Variants in ST3GAL2 observed in about 807,000 individuals in gnomAD.
ST3GAL2 encodes the protein ST3 beta-galactoside alpha-2,3-sialyltransferase 2.
Under a neutral mutation model 37.5 loss-of-function variants are expected in ST3GAL2, and 16 were observed. The observed-to-expected ratio is 0.43, with a 90% confidence interval of 0.29 to 0.65. The LOEUF (loss-of-function observed/expected upper bound fraction) is 0.65. Among genes scored for constraint, ST3GAL2 ranks in the 30% least tolerant of loss-of-function variants. The pLI is 0.17. For synonymous variants in ST3GAL2, 238 were observed against 202.9 expected, an observed-to-expected ratio of 1.17 and a Z score of -1.47; for missense variants, 383 against 487.8, an observed-to-expected ratio of 0.79 and a Z score of 2.02.
intron 1 of ST3GAL2, among the ~76,000 whole-genome samples, chr16:70,432,945 T>C (rs577329106): frequency 2.6e-5 from 4 of 152,004 alleles, no homozygotes; most frequent in Admixed American, 6.5e-5. Flanking sequence ...GTCCACCACA[T>C]AGAGAGCCTC....
At chr16:70,423,919 G>A (rs1400225811) in intron 1 of ST3GAL2, among the ~76,000 whole-genome samples, 7 of 151,822 alleles carry the variant, frequency 4.6e-5, no homozygotes, top group South Asian at 4.2e-4. Context: ...TTAGCCGGGC[G>A]TGGTGGCAAG....
chr16:70,437,705 C>T (rs567778614), intron 1 of ST3GAL2, among the ~76,000 whole-genome samples: 1 of 152,098 alleles, frequency 6.6e-6, no homozygotes, highest in African/African-American at 2.4e-5. Flanking sequence ...AAGGGCAACC[C>T]CTCCAAAGTT....
intron 1 of ST3GAL2, among the ~76,000 whole-genome samples, chr16:70,437,150 A>G (rs1246701287): frequency 6.6e-6 from 1 of 152,244 alleles, no homozygotes; most frequent in East Asian, 1.9e-4. Context: ...AGGAGCCATC[A>G]GCGTGCCACA....
At chr16:70,410,900 ACAG>A (rs2047634104) in intron 1 of ST3GAL2, among the ~76,000 whole-genome samples, 1 of 150,544 alleles carries the variant, frequency 6.6e-6, no homozygotes, top group Non-Finnish European at 1.5e-5. Flanking sequence ...TCGCTTGCCA[ACAG>A]AATCCTGATT....
chr16:70,394,508 G>A (rs1952860240), intron 3 of ST3GAL2, among the ~76,000 whole-genome samples: 2 of 152,146 alleles, frequency 1.3e-5, no homozygotes, highest in Admixed American at 1.3e-4. Context: ...CACCCCAGTA[G>A]CTGGAAATAC....
chr16:70,385,416 T>C (rs1239911057), intron 4 of ST3GAL2, among the ~76,000 whole-genome samples: 1 of 152,156 alleles, frequency 6.6e-6, no homozygotes, highest in Non-Finnish European at 1.5e-5. Flanking sequence ...GGTGTACAGT[T>C]TCCATTTGGG....
chr16:70,395,194 G>A lies in ST3GAL2; in HGVS notation c.340-19C>T. ...GCAGCATCTGTGGAAGGGAGGGGAA[G>A]ATGGGAAACGAGGAAGGGGAGAGGT... On this transcript the variant is annotated intron_variant, in intron 2 of 6. Transcript: ENST00000342907. The A allele has an allele frequency of 6.3e-7, 1 of 1,587,262 alleles. No individual in the cohort carries two copies. Among genetic ancestry groups the A allele is most frequent in the East Asian group, 2.3e-5 (1 of 43,670 alleles).
chr16:70,417,260 C>A (rs557326220), intron 1 of ST3GAL2, among the ~76,000 whole-genome samples: 75 of 150,886 alleles, frequency 5.0e-4, no homozygotes, highest in African/African-American at 1.5e-3. Context: ...AAACCCCTCC[C>A]ACACAGCACT....
intron 3 of ST3GAL2, 47 bp downstream of exon 3, chr16:70,394,935 C>T (rs766772524): frequency 1.3e-6 from 2 of 1,587,868 alleles, no homozygotes; most frequent in African/African-American, 1.4e-5. Flanking sequence ...CAGTCCCCTT[C>T]CCGGAGGCCC....
At chr16:70,411,333 G>A (rs983591017) in intron 1 of ST3GAL2, among the ~76,000 whole-genome samples, 6 of 151,684 alleles carry the variant, frequency 4.0e-5, no homozygotes, top group East Asian at 1.9e-4. Context: ...TGAAGTGGGC[G>A]GAGCGGAGAT....
chr16:70,413,543 C>T (rs1273653749), intron 1 of ST3GAL2, among the ~76,000 whole-genome samples: 2 of 135,892 alleles, frequency 1.5e-5, no homozygotes, highest in African/African-American at 6.0e-5. Context: ...TGGAGAAACC[C>T]GTCTCTATCA....
intron 1 of ST3GAL2, among the ~76,000 whole-genome samples, chr16:70,431,904 C>A (rs1467816993): frequency 6.6e-6 from 1 of 151,810 alleles, no homozygotes; most frequent in East Asian, 1.9e-4. Context: ...GCAGAGCTTG[C>A]AGTGAGCCGA....
chr16:70,386,569 ACC>A (rs1047313003), intron 4 of ST3GAL2, among the ~76,000 whole-genome samples: 15 of 152,074 alleles, frequency 9.9e-5, no homozygotes, highest in Non-Finnish European at 1.9e-4. Flanking sequence ...TGATCTCTTG[ACC>A]TCATGATCGC....
chr16:70,401,243 C>CA (rs2047552778), intron 1 of ST3GAL2: 1 of 152,424 alleles, frequency 6.6e-6, no homozygotes, highest in African/African-American at 2.4e-5. Context: ...AGAGCTGGCA[C>CA]AGGAGGCTTC....
intron 1 of ST3GAL2, among the ~76,000 whole-genome samples, chr16:70,438,236 A>T (rs1335853915): frequency 6.6e-6 from 1 of 152,148 alleles, no homozygotes; most frequent in Non-Finnish European, 1.5e-5. Context: ...CTCAGCCCAG[A>T]GCTGTAGCAG....
In ST3GAL2 at chr16:70,385,698, C is replaced by CTTT. The variant is rs1034830291; in HGVS notation, c.714-2466_714-2464dup. Among the ~76,000 whole-genome samples, 562 of 92,142 alleles carry CTTT rather than the reference C, an allele frequency of 6.1e-3. 4 individuals carry two copies. The highest frequency in any genetic ancestry group is 0.014 in the African/African-American group (278 of 20,166). The allele number at this position is 92,142 out of a possible 152,430, so 60.4% of individuals were successfully genotyped here. A position where few individuals can be genotyped will look rare whatever the true frequency, so the allele number is the denominator to read the frequency against. On this transcript the variant is annotated intron_variant, in intron 4 of 6. Coordinates refer to ENST00000342907, the MANE Select transcript of ST3GAL2 (RefSeq NM_006927.4). ...ACATGAAAATGTTCCTTTTTTGGTT[C>CTTT]TTTTTTTTTTTTTTTTTTTTTTTGA...
At chr16:70,429,803 G>A (rs573923221) in intron 1 of ST3GAL2, among the ~76,000 whole-genome samples, 20 of 151,520 alleles carry the variant, frequency 1.3e-4, no homozygotes, top group Non-Finnish European at 2.2e-4. Flanking sequence ...CACCACACCC[G>A]GCTAATTTTT....
intron 2 of ST3GAL2, among the ~76,000 whole-genome samples, chr16:70,397,752 A>G (rs1373866578): frequency 6.6e-6 from 1 of 152,152 alleles, no homozygotes; most frequent in Non-Finnish European, 1.5e-5. Context: ...AATAAAAAAC[A>G]ATTATTTTGA....
At chr16:70,386,199 T>C (rs1567665624) in intron 4 of ST3GAL2, among the ~76,000 whole-genome samples, 1 of 151,460 alleles carries the variant, frequency 6.6e-6, no homozygotes, top group East Asian at 2.0e-4. Context: ...TTTTTTTTTT[T>C]CTTCCTGAGA....
Sources: gnomAD v4.1 joint callset for allele counts (sites outside exome capture counted in the v4.1 genomes callset) on GRCh38, gnomAD v4.1.1 for gene constraint, MANE v1.5 for transcripts, NCBI Gene and HGNC (gene_info 2026-07-23, HGNC 2026-07-21) for gene names.